The following GRIN3A variants were observed in gnomAD, a reference collection of about 807,000 sequenced individuals.
GRIN3A encodes glutamate ionotropic receptor NMDA type subunit 3A.
In GRIN3A, 47 loss-of-function variants were observed where a neutral mutation model predicts 92.4. The observed-to-expected ratio is 0.51, with a 90% confidence interval of 0.40 to 0.65. The LOEUF is 0.65. Among genes scored for constraint, GRIN3A ranks in the 30% least tolerant of loss-of-function variants. The probability of loss-of-function intolerance (pLI) is 0.00; values close to 1 mark genes in which losing one functional copy is unlikely to be tolerated. For missense variants in GRIN3A, 1,324 were observed against 1,393.1 expected, an observed-to-expected ratio of 0.95 and a Z score of 0.79; for synonymous variants, 527 against 540.6, an observed-to-expected ratio of 0.97 and a Z score of 0.35.
rs1177138059 is a variant in GRIN3A at position 101,589,431 on chromosome 9, A to G, written c.2767-10071T>C. 1.3e-5 allele frequency among the ~76,000 whole-genome samples: 2 copies of G among 152,226 alleles called. 1 individual carries two copies. On this transcript the variant is annotated intron_variant, in intron 6 of 8. Coordinates refer to ENST00000361820, the MANE Select transcript of GRIN3A (RefSeq NM_133445.3). ...TCCCAATGCCACCAAAGATACTGCAATGCCTAGAAGGCTTCTATTTTTGCC... is the reference window on the plus strand; with the variant it reads ...TCCCAATGCCACCAAAGATACTGCAGTGCCTAGAAGGCTTCTATTTTTGCC...
At chr9:101,732,148 C>A (rs1248343638) in intron 1 of GRIN3A, among the ~76,000 whole-genome samples, 1 of 152,164 alleles carries the variant, frequency 6.6e-6, no homozygotes, top group East Asian at 1.9e-4. Flanking sequence ...GGCAATGGGA[C>A]TCAAAGTAGC....
At chr9:101,669,749 C>T (rs1588274869) in intron 3 of GRIN3A, among the ~76,000 whole-genome samples, 2 of 136,918 alleles carry the variant, frequency 1.5e-5, no homozygotes, top group East Asian at 4.0e-4. Context: ...TAAGACCATT[C>T]CCTGATAGGT....
intron 1 of GRIN3A, among the ~76,000 whole-genome samples, chr9:101,734,868 A>C (rs988667648): frequency 1.3e-5 from 2 of 152,006 alleles, no homozygotes; most frequent in Admixed American, 1.3e-4. Context: ...GCACACAACC[A>C]ACAAATTAGG....
At chr9:101,719,975 A>G (rs924148914) in intron 1 of GRIN3A, among the ~76,000 whole-genome samples, 3 of 152,146 alleles carry the variant, frequency 2.0e-5, no homozygotes, top group Non-Finnish European at 4.4e-5. Flanking sequence ...TAAGGTGAAC[A>G]GCCGAGCACC....
At chr9:101,669,986 A>C (rs1829295118) in intron 3 of GRIN3A, 74 bp downstream of exon 3, 1 of 1,120,306 alleles carries the variant, frequency 8.9e-7, no homozygotes, top group African/African-American at 1.5e-5. Flanking sequence ...GAACATGAGC[A>C]TACTACAGCA....
At chr9:101,619,504 T>G (rs1404262844) in intron 5 of GRIN3A, among the ~76,000 whole-genome samples, 1 of 152,198 alleles carries the variant, frequency 6.6e-6, no homozygotes, top group Non-Finnish European at 1.5e-5. Context: ...CTACAGTACA[T>G]GCTTTATATG....
chr9:101,638,717 T>A (rs1022186608), intron 3 of GRIN3A, among the ~76,000 whole-genome samples: 2 of 152,234 alleles, frequency 1.3e-5, no homozygotes, highest in Non-Finnish European at 2.9e-5. Context: ...CTTCTATAAG[T>A]TTATGGAAAC....
At chr9:101,709,412 A>C (rs912255125) in intron 1 of GRIN3A, among the ~76,000 whole-genome samples, 1 of 152,182 alleles carries the variant, frequency 6.6e-6, no homozygotes, top group Non-Finnish European at 1.5e-5. Flanking sequence ...TTGGTAGAAT[A>C]CACTTGGTTT....
At chr9:101,641,814 T>TA (rs1285723658) in intron 3 of GRIN3A, among the ~76,000 whole-genome samples, 61 of 147,448 alleles carry the variant, frequency 4.1e-4, no homozygotes, top group Non-Finnish European at 7.7e-4. Context: ...CGAAATGCAA[T>TA]AAAAAAAAAG....
Position 101,738,110 on chromosome 9 carries a change from C to G in GRIN3A, c.-131G>C. The G allele has an allele frequency of 1.2e-6, 1 of 813,252 alleles. No individual in the cohort carries two copies. The highest frequency in any genetic ancestry group is 2.0e-6 in the Non-Finnish European group (1 of 489,908). The allele number at this position is 813,252 out of a possible 1,614,324, so 50.4% of individuals were successfully genotyped here. A position where few individuals can be genotyped will look rare whatever the true frequency, so the allele number is the denominator to read the frequency against. On this transcript the variant is annotated 5_prime_UTR_variant, in exon 1 of 9. Coordinates refer to ENST00000361820, the MANE Select transcript of GRIN3A (RefSeq NM_133445.3). ...CCACTCGGTGAAGCGGTCCCAGGAG[C>G]TGGAGCGGTCTCTAGGCCATGCAAG...
At chr9:101,695,832 G>A (rs1174418646) in intron 1 of GRIN3A, among the ~76,000 whole-genome samples, 1 of 152,122 alleles carries the variant, frequency 6.6e-6, no homozygotes, top group Non-Finnish European at 1.5e-5. Context: ...GAGACAACTG[G>A]TTTCCATGTT....
rs138032136 is a variant in GRIN3A at position 101,609,638 on chromosome 9, T to C, written c.2766+3738A>G. Among the ~76,000 whole-genome samples, 306 of 152,316 alleles carry C rather than the reference T, an allele frequency of 2.0e-3. 1 individual carries two copies. Among genetic ancestry groups the C allele is most frequent in the African/African-American group, 6.9e-3 (286 of 41,564 alleles). ...GTGTGTTCGCTTCTGTGTGTCCAGG[T>C]AGAGTTAGGTTCTGAGTCCGCAGAG... is the stretch of plus-strand genomic sequence containing the variant. On this transcript the variant is annotated intron_variant, in intron 6 of 8. Transcript: ENST00000361820.
intron 4 of GRIN3A, among the ~76,000 whole-genome samples, chr9:101,625,159 G>A (rs530560516): frequency 1.3e-5 from 2 of 152,088 alleles, no homozygotes; most frequent in South Asian, 4.2e-4. Context: ...CCTTTTTATT[G>A]TGTAGGTGTA....
intron 1 of GRIN3A, among the ~76,000 whole-genome samples, chr9:101,728,716 C>T (rs560594630): frequency 3.9e-5 from 6 of 152,254 alleles, no homozygotes; most frequent in African/African-American, 7.2e-5. Context: ...GCATTAAATG[C>T]GACTCAGGGT....
intron 6 of GRIN3A, chr9:101,594,943 A>G (rs750867538): frequency 6.3e-7 from 1 of 1,591,924 alleles, no homozygotes; most frequent in Non-Finnish European, 8.5e-7. Context: ...GGCAACGGCC[A>G]CGGCTCAAAG....
At chr9:101,693,162 TGGGA>T (rs960655494) in intron 1 of GRIN3A, among the ~76,000 whole-genome samples, 144 of 151,728 alleles carry the variant, frequency 9.5e-4, no homozygotes, top group African/African-American at 3.2e-3. Context: ...TCCAGTGCTT[TGGGA>T]GGCTGAGGTG....
At chr9:101,617,153 T>C (rs1192709322) in intron 5 of GRIN3A, among the ~76,000 whole-genome samples, 1 of 146,218 alleles carries the variant, frequency 6.8e-6, no homozygotes, top group Admixed American at 6.8e-5. Context: ...TGAGCCGAGA[T>C]TGCGCCACTG....
At chr9:101,577,442 ATC>A (rs1827839301) in intron 8 of GRIN3A, among the ~76,000 whole-genome samples, 1 of 152,186 alleles carries the variant, frequency 6.6e-6, no homozygotes, top group Admixed American at 6.5e-5. Context: ...TACTGTTTTT[ATC>A]TCTACTTTAC....
chr9:101,594,926 G>C lies in GRIN3A; in HGVS notation c.2767-15566C>G, dbSNP rs140910583. On this transcript the variant is annotated intron_variant, in intron 6 of 8. Coordinates refer to ENST00000361820, the MANE Select transcript of GRIN3A (RefSeq NM_133445.3). ...GTAACTGGCCTCGTTTCCCATTGTG[G>C]ACATCTGGCAACGGCCACGGCTCAA... The C allele has an allele frequency of 4.0e-5, 64 of 1,597,526 alleles. No individual in the cohort carries two copies. In the African/African-American group the frequency reaches 5.3e-4, roughly 13 times the overall value.
Sources: allele counts gnomAD v4.1 joint callset (sites outside exome capture counted in the v4.1 genomes callset), GRCh38; gene constraint gnomAD v4.1.1; transcripts MANE v1.5; gene names NCBI Gene and HGNC (gene_info 2026-07-23, HGNC 2026-07-21).